The following SEMA6D variants were observed in gnomAD, a reference collection of about 807,000 sequenced individuals.
SEMA6D encodes the protein semaphorin-6D.
A neutral mutation model predicts 106.6 loss-of-function variants in SEMA6D; 35 were observed. That is an observed-to-expected ratio of 0.33 (90% CI 0.25 to 0.44). The LOEUF is 0.44. Among genes scored for constraint, SEMA6D ranks in the 20% least tolerant of loss-of-function variants. The probability of loss-of-function intolerance (pLI) is 1.00; values close to 1 mark genes in which losing one functional copy is unlikely to be tolerated. For missense variants in SEMA6D, 1,185 were observed against 1,345.9 expected (o/e 0.88, Z 1.87); for synonymous variants, 499 against 487.7 (o/e 1.02, Z -0.31).
At chr15:47,311,954 T>C (rs548266682) in intron 1 of SEMA6D, among the ~76,000 whole-genome samples, 1 of 152,188 alleles carries the variant, frequency 6.6e-6, no homozygotes, top group Non-Finnish European at 1.5e-5. Context: ...CTTTCCAGTT[T>C]GCCATCTTCA....
At chr15:47,544,824 C>A (rs2045467676) in intron 3 of SEMA6D, among the ~76,000 whole-genome samples, 1 of 151,830 alleles carries the variant, frequency 6.6e-6, no homozygotes, top group African/African-American at 2.4e-5. Context: ...TTGGGGGTAG[C>A]CTTCAATACA....
At chr15:47,284,291 A>C (rs1182932490) in intron 1 of SEMA6D, among the ~76,000 whole-genome samples, 1 of 152,216 alleles carries the variant, frequency 6.6e-6, no homozygotes, top group Non-Finnish European at 1.5e-5. Context: ...ACATCATATA[A>C]TTTTTAAAAG....
chr15:47,217,173 A>G (rs1025422437), intron 1 of SEMA6D, among the ~76,000 whole-genome samples: 2 of 152,172 alleles, frequency 1.3e-5, no homozygotes, highest in Non-Finnish European at 2.9e-5. Context: ...CGTGTATGGT[A>G]TTTTGTTATA....
At chr15:47,591,576 A>T (rs2076441183) in intron 3 of SEMA6D, among the ~76,000 whole-genome samples, 1 of 152,188 alleles carries the variant, frequency 6.6e-6, no homozygotes. Flanking sequence ...AAGGAACAAG[A>T]CTTCTATTGA....
chr15:47,762,336 G>C lies in SEMA6D; in HGVS notation c.658+17G>C. The C allele has an allele frequency of 1.2e-6, 2 of 1,611,684 alleles. No individual in the cohort carries two copies. The highest frequency in any genetic ancestry group is 1.7e-6 in the Non-Finnish European group (2 of 1,179,174). On this transcript the variant is annotated intron_variant, in intron 8 of 18. Coordinates refer to ENST00000536845, the MANE Select transcript of SEMA6D (RefSeq NM_001358351.3). ...GGATAAAAGGTACCTTTGAAGAGCA[G>C]TGTCGTGGGGTCACCAGGATAGTGG...
At chr15:47,437,510 T>G (rs1023663615) in intron 2 of SEMA6D, among the ~76,000 whole-genome samples, 29 of 152,146 alleles carry the variant, frequency 1.9e-4, no homozygotes, top group African/African-American at 6.5e-4. Context: ...CTACATAATA[T>G]TAATCCTTTT....
chr15:47,562,132 A>G (rs1356622269), intron 3 of SEMA6D, among the ~76,000 whole-genome samples: 2 of 152,084 alleles, frequency 1.3e-5, no homozygotes, highest in African/African-American at 2.4e-5. Flanking sequence ...TAGTCAAGGA[A>G]TATACCCACA....
intron 1 of SEMA6D, among the ~76,000 whole-genome samples, chr15:47,251,974 G>A (rs1234424873): frequency 7.9e-6 from 1 of 127,120 alleles, no homozygotes; most frequent in Admixed American, 8.6e-5. Flanking sequence ...GGAGTGCAGT[G>A]GCGCGATCTC....
intron 2 of SEMA6D, among the ~76,000 whole-genome samples, chr15:47,429,908 C>A (rs964040093): frequency 2.6e-5 from 4 of 152,094 alleles, no homozygotes; most frequent in Admixed American, 2.6e-4. Flanking sequence ...TGAAAAGTTT[C>A]TCTTACCTTC....
At chr15:47,455,075 C>CTATTATTAT (rs749181556) in intron 2 of SEMA6D, among the ~76,000 whole-genome samples, 2 of 151,300 alleles carry the variant, frequency 1.3e-5, no homozygotes, top group African/African-American at 4.9e-5. Context: ...TAAATGTTAG[C>CTATTATTAT]TATTATTATT....
At chr15:47,523,356 A>G (rs1034700458) in intron 3 of SEMA6D, among the ~76,000 whole-genome samples, 5 of 152,100 alleles carry the variant, frequency 3.3e-5, no homozygotes, top group African/African-American at 1.2e-4. Context: ...TGGCTTCTTC[A>G]CCAGGGGGCT....
intron 3 of SEMA6D, among the ~76,000 whole-genome samples, chr15:47,590,479 T>C (rs928326112): frequency 6.6e-5 from 10 of 152,044 alleles, no homozygotes; most frequent in African/African-American, 2.4e-4. Context: ...TGTATACCTA[T>C]GTGTCAAACC....
At chr15:47,225,853 T>C (rs1348754364) in intron 1 of SEMA6D, among the ~76,000 whole-genome samples, 2 of 152,100 alleles carry the variant, frequency 1.3e-5, no homozygotes, top group Non-Finnish European at 2.9e-5. Flanking sequence ...TTAAGAATTC[T>C]TTGACTGTTT....
intron 1 of SEMA6D, chr15:47,395,538 AG>A: frequency 6.6e-6 from 1 of 152,200 alleles, no homozygotes; most frequent in East Asian, 1.9e-4. Flanking sequence ...TGAAAGGAAA[AG>A]AAAACATTTG....
At chr15:47,482,035 A>G (rs2043167585) in intron 3 of SEMA6D, among the ~76,000 whole-genome samples, 1 of 152,188 alleles carries the variant, frequency 6.6e-6, no homozygotes, top group Non-Finnish European at 1.5e-5. Context: ...TGAGCAAGGC[A>G]TGCAAGGAAA....
At chr15:47,622,796 G>A (rs574673815) in intron 4 of SEMA6D, among the ~76,000 whole-genome samples, 110 of 152,266 alleles carry the variant, frequency 7.2e-4, no homozygotes, top group African/African-American at 2.4e-3. Context: ...TTTCAAAGGC[G>A]TGCAGGGGTT....
At chr15:47,311,060 G>A (rs917459284) in intron 1 of SEMA6D, among the ~76,000 whole-genome samples, 1 of 152,096 alleles carries the variant, frequency 6.6e-6, no homozygotes, top group Middle Eastern at 3.2e-3. Context: ...ATCAAAGCTC[G>A]ATCATTAAAG....
chr15:47,380,876 G>A (rs1010552210), intron 1 of SEMA6D, among the ~76,000 whole-genome samples: 3 of 152,232 alleles, frequency 2.0e-5, no homozygotes, highest in African/African-American at 7.2e-5. Flanking sequence ...AGACTTAAAA[G>A]TCAGTTGAAA....
chr15:47,716,241 T>C (rs2079112221), upstream of SEMA6D, among the ~76,000 whole-genome samples: 1 of 152,178 alleles, frequency 6.6e-6, no homozygotes, highest in Admixed American at 6.5e-5. Context: ...CTTCTTTCCT[T>C]GGGTTACACA....
Sources: gnomAD v4.1 joint callset for allele counts (sites outside exome capture counted in the v4.1 genomes callset) on GRCh38, gnomAD v4.1.1 for gene constraint, MANE v1.5 for transcripts, NCBI Gene and HGNC (gene_info 2026-07-23, HGNC 2026-07-21) for gene names.